The following DLG2 variants were observed in gnomAD, a reference collection of about 807,000 sequenced individuals.
DLG2 encodes the protein discs large MAGUK scaffold protein 2.
Under a neutral mutation model 132.5 loss-of-function variants are expected in DLG2, and 45 were observed. The observed-to-expected ratio is 0.34, with a 90% CI of 0.27 to 0.44. DLG2 has a LOEUF of 0.44. DLG2 is among the 20% of genes least tolerant of loss of function. The pLI is 1.00. For missense variants in DLG2, 1,045 were observed against 1,196.9 expected (o/e 0.87, Z 1.87); for synonymous variants, 424 against 419.6 (o/e 1.01, Z -0.13).
intron 16 of DLG2, among the ~76,000 whole-genome samples, chr11:83,837,563 A>G (rs2056528562): frequency 6.6e-6 from 1 of 151,946 alleles, no homozygotes; most frequent in Non-Finnish European, 1.5e-5. Context: ...TGGCTAGAGT[A>G]GGTCAGTATT....
chr11:83,553,518 GTGTGTGTGTGTT>G (rs1166444035), intron 19 of DLG2, among the ~76,000 whole-genome samples: 14 of 150,822 alleles, frequency 9.3e-5, no homozygotes, highest in African/African-American at 3.4e-4. Flanking sequence ...GTGTGTGTGT[GTGTGTGTGTGTT>G]TGCTGCTGCT....
chr11:85,302,457 C>A (rs1334851735), intron 3 of DLG2, among the ~76,000 whole-genome samples: 1 of 151,968 alleles, frequency 6.6e-6, no homozygotes, highest in Non-Finnish European at 1.5e-5. Flanking sequence ...GCCTGCTGGG[C>A]CTACATTCCC....
chr11:85,395,601 C>T (rs2087259324), intron 3 of DLG2, among the ~76,000 whole-genome samples: 1 of 152,198 alleles, frequency 6.6e-6, no homozygotes, highest in African/African-American at 2.4e-5. Flanking sequence ...CCAGGAGATA[C>T]CCTCCCATGC....
intron 6 of DLG2, among the ~76,000 whole-genome samples, chr11:84,636,498 T>G (rs1342075296): frequency 9.9e-5 from 15 of 152,192 alleles, no homozygotes. Context: ...GCAGGATTAT[T>G]ATGATGTTTG....
At chr11:84,378,996 A>C (rs1015940070) in intron 7 of DLG2, among the ~76,000 whole-genome samples, 7 of 151,966 alleles carry the variant, frequency 4.6e-5, no homozygotes, top group African/African-American at 1.7e-4. Context: ...ACAATAACAA[A>C]AAAAAAAAGA....
At chr11:85,031,646 A>G (rs958285742) in intron 6 of DLG2, among the ~76,000 whole-genome samples, 1 of 152,146 alleles carries the variant, frequency 6.6e-6, no homozygotes, top group African/African-American at 2.4e-5. Context: ...AAATTAAATA[A>G]GACCACACTC....
chr11:84,932,210 T>A (rs997704386), intron 6 of DLG2, among the ~76,000 whole-genome samples: 1 of 152,192 alleles, frequency 6.6e-6, no homozygotes, highest in African/African-American at 2.4e-5. Flanking sequence ...ATGTCCTGAA[T>A]GGTACTGCCT....
intron 8 of DLG2, among the ~76,000 whole-genome samples, chr11:84,193,395 G>A (rs1285117007): frequency 1.3e-5 from 2 of 152,140 alleles, no homozygotes; most frequent in Admixed American, 1.3e-4. Context: ...GGAAGTGTAT[G>A]GTGATAATTA....
chr11:84,005,627 C>T (rs1265351412), intron 11 of DLG2, among the ~76,000 whole-genome samples: 1 of 148,618 alleles, frequency 6.7e-6, no homozygotes, highest in Admixed American at 6.8e-5. Context: ...ATACAAAGAA[C>T]TCAAACAACT....
intron 5 of DLG2, among the ~76,000 whole-genome samples, chr11:85,127,254 C>T (rs906435422): frequency 5.6e-5 from 7 of 124,654 alleles, no homozygotes; most frequent in African/African-American, 2.1e-4. Context: ...CCCCCACCCA[C>T]TCTCTCTTTC....
At chr11:85,220,510 A>C (rs891528358) in intron 4 of DLG2, among the ~76,000 whole-genome samples, 1 of 152,026 alleles carries the variant, frequency 6.6e-6, no homozygotes, top group Non-Finnish European at 1.5e-5. Flanking sequence ...TAGTACAGAG[A>C]TCAGGATGTT....
At chr11:84,321,954 C>T (rs1041008464) in intron 7 of DLG2, among the ~76,000 whole-genome samples, 1 of 152,170 alleles carries the variant, frequency 6.6e-6, no homozygotes, top group African/African-American at 2.4e-5. Flanking sequence ...TTCTCTATTA[C>T]AACACTTAAC....
intron 18 of DLG2, among the ~76,000 whole-genome samples, chr11:83,637,438 C>T (rs1003908086): frequency 1.3e-5 from 2 of 152,102 alleles, no homozygotes; most frequent in African/African-American, 2.4e-5. Context: ...TTTAAAAATA[C>T]ATTATTTTTC....
chr11:84,340,729 C>T (rs2098510629), intron 7 of DLG2, among the ~76,000 whole-genome samples: 1 of 152,072 alleles, frequency 6.6e-6, no homozygotes, highest in African/African-American at 2.4e-5. Context: ...ATCACTGATG[C>T]TTGGCCATGA....
chr11:84,155,466 C>A (rs2095409914), intron 9 of DLG2, among the ~76,000 whole-genome samples: 1 of 150,952 alleles, frequency 6.6e-6, no homozygotes, highest in Non-Finnish European at 1.5e-5. Flanking sequence ...TCTAGTCAGC[C>A]GTCTAGTCCC....
At chr11:85,296,267 C>G (rs1222329250) in intron 3 of DLG2, among the ~76,000 whole-genome samples, 1 of 151,942 alleles carries the variant, frequency 6.6e-6, no homozygotes, top group Non-Finnish European at 1.5e-5. Flanking sequence ...TATAATCAGT[C>G]CAATTAAACA....
At chr11:84,905,997 T>G (rs993038701) in intron 6 of DLG2, among the ~76,000 whole-genome samples, 1 of 152,176 alleles carries the variant, frequency 6.6e-6, no homozygotes, top group African/African-American at 2.4e-5. Flanking sequence ...AAACCTCATC[T>G]GGCAGTTAAA....
chr11:84,631,896 G>T (rs1223840060), intron 6 of DLG2, among the ~76,000 whole-genome samples: 1 of 152,106 alleles, frequency 6.6e-6, no homozygotes, highest in Non-Finnish European at 1.5e-5. Flanking sequence ...CTCTGGCATA[G>T]TTTTTTCTTT....
At chr11:83,854,048 A>G (rs544417244) in intron 16 of DLG2, among the ~76,000 whole-genome samples, 1 of 152,326 alleles carries the variant, frequency 6.6e-6, no homozygotes, top group South Asian at 2.1e-4. Flanking sequence ...ATAAAGGATT[A>G]GTACAAAAAA....
Sources: gnomAD v4.1 joint callset for allele counts (sites outside exome capture counted in the v4.1 genomes callset) on GRCh38, gnomAD v4.1.1 for gene constraint, MANE v1.5 for transcripts, NCBI Gene and HGNC (gene_info 2026-07-23, HGNC 2026-07-21) for gene names.